LMNTD1: variants seen among roughly 807,000 people sequenced by gnomAD.
LMNTD1 encodes the protein lamin tail domain containing 1, also known as lamin tail domain-containing protein 1.
LMNTD1 carries 35 observed loss-of-function variants against 50.9 expected under a neutral mutation model. The observed-to-expected ratio is 0.69, with a 90% confidence interval of 0.53 to 0.91. LMNTD1 has a LOEUF of 0.91. LMNTD1 is among the 40% of genes least tolerant of loss of function. LMNTD1 has a pLI of 0.00. For missense variants in LMNTD1, 470 were observed against 475.5 expected (o/e 0.99, Z 0.11); for synonymous variants, 153 against 161.9 (o/e 0.94, Z 0.42).
intron 9 of LMNTD1, among the ~76,000 whole-genome samples, chr12:25,478,799 G>T (rs1013724946): frequency 6.6e-6 from 1 of 152,008 alleles, no homozygotes; most frequent in African/African-American, 2.4e-5. Context: ...GAAAAAAAAA[G>T]CTGGTATTGA....
chr12:25,584,624 G>A (rs78217350), intron 1 of LMNTD1, among the ~76,000 whole-genome samples: 6,929 of 152,274 alleles, frequency 0.046, 401 homozygotes, highest in African/African-American at 0.13. Context: ...TTGACAAATA[G>A]TAAAGAAACG....
intron 1 of LMNTD1, among the ~76,000 whole-genome samples, chr12:25,619,252 C>CTA (rs71450756): frequency 8.5e-4 from 72 of 84,416 alleles, no homozygotes; most frequent in Middle Eastern, 6.0e-3. Context: ...CTCTCTCTCT[C>CTA]TATATATATA....
chr12:25,582,513 C>T (rs745522164), intron 1 of LMNTD1: 2 of 152,156 alleles, frequency 1.3e-5, no homozygotes. Context: ...GTGGAATATT[C>T]AATAGGAGAC....
At chr12:25,562,504 C>A (rs71443983) in intron 1 of LMNTD1, among the ~76,000 whole-genome samples, 4 of 152,154 alleles carry the variant, frequency 2.6e-5, no homozygotes. Context: ...CGGGGACATC[C>A]GCTGTTAGTC....
intron 1 of LMNTD1, among the ~76,000 whole-genome samples, chr12:25,631,188 C>T (rs1946711218): frequency 6.6e-6 from 1 of 152,030 alleles, no homozygotes; most frequent in Admixed American, 6.5e-5. Context: ...CCCACCCCTA[C>T]CTGATGGTCT....
chr12:25,518,890 T>C lies in LMNTD1; in HGVS notation c.1094A>G (p.Tyr365Cys). The C allele has an allele frequency of 2.5e-6, 4 of 1,613,914 alleles. No homozygotes were observed. Among genetic ancestry groups the C allele is most frequent in the Non-Finnish European group, 3.4e-6 (4 of 1,179,950 alleles). The change falls in exon 8 of 10, where the codon TAC becomes TGC. Residue 365 changes from tyrosine to cysteine, a missense_variant. By Grantham distance (194) the Tyr-to-Cys change is radical. Transcript: ENST00000458174. ...ATTGTGTGGTTCAATCAGAGGACAG[T>C]AAGGATGTGCAGAGACATAGGGATT... ...CQNPYVSAHP[Y>C]CPLIEPHNTS...
intron 4 of LMNTD1, among the ~76,000 whole-genome samples, chr12:25,538,090 C>T (rs1463830390): frequency 6.2e-5 from 8 of 129,484 alleles, no homozygotes; most frequent in Admixed American, 5.0e-4. Context: ...ACCAAATCTA[C>T]GTCTGATTGG....
chr12:25,489,615 A>G (rs1381546361), intron 9 of LMNTD1, among the ~76,000 whole-genome samples: 3 of 151,652 alleles, frequency 2.0e-5, no homozygotes, highest in Non-Finnish European at 2.9e-5. Context: ...GGAGCTGTAG[A>G]CCGGAGCTGT....
chr12:25,529,716 T>G (rs78692230), intron 4 of LMNTD1, among the ~76,000 whole-genome samples: 2 of 152,180 alleles, frequency 1.3e-5, no homozygotes, highest in African/African-American at 4.8e-5. Context: ...TTCTCCACTT[T>G]GCTTCCAGAG....
chr12:25,506,031 T>G (rs1565947061), intron 8 of LMNTD1, among the ~76,000 whole-genome samples: 1 of 152,152 alleles, frequency 6.6e-6, no homozygotes, highest in African/African-American at 2.4e-5. Flanking sequence ...AATCTCAAAC[T>G]TGTATTGGAG....
At position 25,581,042 on chromosome 12, in the gene LMNTD1, T is replaced by C. The variant is rs1022223255; in HGVS notation, c.59-34488A>G. The stretch of plus-strand genomic sequence containing the variant: ...TTTAAGTTAGTAGAGAAGATTTCTA[T>C]TCTGAACAGCAATCTCTCCAATCAA... On this transcript the variant is annotated intron_variant, in intron 1 of 7. Transcript: ENST00000445693. 3.3e-5 allele frequency among the ~76,000 whole-genome samples: 5 copies of C among 152,170 alleles called. No individual in the cohort carries two copies. In the East Asian group the frequency reaches 7.7e-4, roughly 23 times the overall value.
At chr12:25,517,617 T>C (rs951892664) in intron 8 of LMNTD1, among the ~76,000 whole-genome samples, 1 of 120,382 alleles carries the variant, frequency 8.3e-6, no homozygotes, top group African/African-American at 2.9e-5. Flanking sequence ...AAATGACAAG[T>C]TAATGGGTGC....
chr12:25,507,964 C>T (rs1446662663), intron 8 of LMNTD1, among the ~76,000 whole-genome samples: 1 of 151,880 alleles, frequency 6.6e-6, no homozygotes, highest in African/African-American at 2.4e-5. Context: ...TTTTCTCTTA[C>T]ACTGAATAAG....
intron 1 of LMNTD1, among the ~76,000 whole-genome samples, chr12:25,601,732 A>C (rs1428545326): frequency 6.6e-6 from 1 of 151,948 alleles, no homozygotes; most frequent in Non-Finnish European, 1.5e-5. Context: ...CCATCACCTT[A>C]TGCTTCACAA....
intron 1 of LMNTD1, among the ~76,000 whole-genome samples, chr12:25,646,100 A>G (rs2136637843): frequency 6.6e-6 from 1 of 152,168 alleles, no homozygotes; most frequent in South Asian, 2.1e-4. Context: ...GTAGAGGTCA[A>G]AAATAAAATC....
At chr12:25,502,480 G>C (rs1389249049) in intron 9 of LMNTD1, among the ~76,000 whole-genome samples, 1 of 152,150 alleles carries the variant, frequency 6.6e-6, no homozygotes, top group Non-Finnish European at 1.5e-5. Context: ...TATATTACTA[G>C]GAGCCAAATC....
chr12:25,573,864 C>G (rs752320037), intron 1 of LMNTD1, among the ~76,000 whole-genome samples: 1 of 152,104 alleles, frequency 6.6e-6, no homozygotes, highest in African/African-American at 2.4e-5. Flanking sequence ...TTCGGAGCAT[C>G]GTGGGACCTG....
chr12:25,545,829 T>C (rs190336494), intron 4 of LMNTD1, among the ~76,000 whole-genome samples: 2 of 151,826 alleles, frequency 1.3e-5, no homozygotes, highest in Admixed American at 6.6e-5. Context: ...TATCAACATG[T>C]CTTATTACTA....
chr12:25,552,594 A>AAC (rs1555106275), intron 2 of LMNTD1, among the ~76,000 whole-genome samples: 2 of 150,130 alleles, frequency 1.3e-5, no homozygotes, highest in African/African-American at 2.4e-5. Flanking sequence ...AAAAAAAAAA[A>AAC]AAAAAAACGG....
Sources: gnomAD v4.1 joint callset for allele counts (sites outside exome capture counted in the v4.1 genomes callset) on GRCh38, gnomAD v4.1.1 for gene constraint, MANE v1.5 for transcripts, NCBI Gene and HGNC (gene_info 2026-07-23, HGNC 2026-07-21) for gene names.